Variants in ASIC2 observed in about 807,000 individuals in gnomAD.
ASIC2 encodes acid-sensing ion channel 2.
A neutral mutation model predicts 57.3 loss-of-function variants in ASIC2; 25 were observed. The ratio of observed to expected loss-of-function variants is 0.44; its 90% CI spans 0.32 to 0.61. ASIC2 has a LOEUF of 0.61. Among genes scored for constraint, ASIC2 ranks in the 20% least tolerant of loss-of-function variants. The pLI, the probability that ASIC2 is intolerant of heterozygous loss-of-function variation, is 0.06. For synonymous variants in ASIC2, 319 were observed against 307.5 expected, an observed-to-expected ratio of 1.04 and a Z score of -0.39; for missense variants, 641 against 738.1, an observed-to-expected ratio of 0.87 and a Z score of 1.52.
intron 1 of ASIC2, among the ~76,000 whole-genome samples, chr17:33,531,480 T>G (rs1192643481): frequency 1.3e-5 from 2 of 152,210 alleles, no homozygotes; most frequent in Non-Finnish European, 2.9e-5. Context: ...CCCTTGCTCT[T>G]GCCATCTGGG....
At chr17:33,751,605 C>T (rs376992981) in intron 1 of ASIC2, among the ~76,000 whole-genome samples, 4 of 152,170 alleles carry the variant, frequency 2.6e-5, no homozygotes, top group East Asian at 1.9e-4. Context: ...TATATAAACA[C>T]GGATACGTCT....
intron 1 of ASIC2, among the ~76,000 whole-genome samples, chr17:33,851,085 A>C (rs933915396): frequency 2.0e-5 from 3 of 152,152 alleles, no homozygotes; most frequent in Non-Finnish European, 2.9e-5. Context: ...AAAGGCAGAG[A>C]TCCCCAAAGG....
intron 1 of ASIC2, among the ~76,000 whole-genome samples, chr17:33,551,473 T>G (rs1915751063): frequency 6.6e-6 from 1 of 152,298 alleles, no homozygotes; most frequent in South Asian, 2.1e-4. Flanking sequence ...AACTGCTACC[T>G]TCGTCAAGTC....
At chr17:33,101,323 G>A (rs2092211324) in intron 2 of ASIC2, among the ~76,000 whole-genome samples, 3 of 152,114 alleles carry the variant, frequency 2.0e-5, no homozygotes, top group African/African-American at 4.8e-5. Flanking sequence ...AATTTATGAT[G>A]ATTTTAAATT....
At chr17:33,775,283 G>T (rs956147105) in intron 1 of ASIC2, among the ~76,000 whole-genome samples, 1 of 152,148 alleles carries the variant, frequency 6.6e-6, no homozygotes, top group Admixed American at 6.5e-5. Flanking sequence ...AAGTTGCATG[G>T]CAAGTTCACT....
intron 1 of ASIC2, among the ~76,000 whole-genome samples, chr17:33,761,941 A>G (rs908098439): frequency 2.0e-4 from 31 of 151,502 alleles, no homozygotes; most frequent in African/African-American, 6.5e-4. Context: ...GTCAGGGGGT[A>G]GGGATGGAAC....
chr17:33,387,186 T>G (rs1206668089), intron 1 of ASIC2, among the ~76,000 whole-genome samples: 9 of 152,140 alleles, frequency 5.9e-5, no homozygotes, highest in Non-Finnish European at 1.5e-5. Flanking sequence ...CTGCACCTGG[T>G]CATTTACATG....
At chr17:33,169,848 C>G (rs2142047517) in intron 1 of ASIC2, among the ~76,000 whole-genome samples, 1 of 152,342 alleles carries the variant, frequency 6.6e-6, no homozygotes, top group South Asian at 2.1e-4. Flanking sequence ...ACGGCTACCT[C>G]TGGTAGCTCC....
intron 1 of ASIC2, chr17:34,003,159 G>A (rs1330081758): frequency 2.6e-5 from 4 of 152,146 alleles, no homozygotes; most frequent in Middle Eastern, 3.2e-3. Flanking sequence ...AGTAGTTCAC[G>A]AGAAGTCGAG....
At position 33,625,066 on chromosome 17, in the gene ASIC2, A is replaced by C. The variant is rs538317891; in HGVS notation, c.556-512999T>G. 2.6e-5 allele frequency among the ~76,000 whole-genome samples: 4 copies of C among 152,340 alleles called. No individual in the cohort carries two copies. In the East Asian group the frequency reaches 5.8e-4, roughly 22 times the overall value. The stretch of plus-strand genomic sequence containing the variant: ...AGGATCAGTCTTGTTGATCAATAGA[A>C]TACAACAGAAAAGGTGGTATGCCAT... On this transcript the variant is annotated intron_variant, in intron 1 of 9. Transcript: ENST00000359872.
chr17:33,817,660 T>A (rs1912626266), intron 1 of ASIC2, among the ~76,000 whole-genome samples: 1 of 152,226 alleles, frequency 6.6e-6, no homozygotes, highest in Non-Finnish European at 1.5e-5. Flanking sequence ...TGTTTATTAC[T>A]GTACAATAAA....
intron 7 of ASIC2, among the ~76,000 whole-genome samples, chr17:33,020,404 CA>C (rs1029575456): frequency 6.6e-6 from 1 of 152,172 alleles, no homozygotes; most frequent in African/African-American, 2.4e-5. Context: ...CTGCCCCTTC[CA>C]AAATGCTAAC....
At chr17:33,597,944 A>G (rs1452815226) in intron 1 of ASIC2, among the ~76,000 whole-genome samples, 1 of 152,172 alleles carries the variant, frequency 6.6e-6, no homozygotes, top group East Asian at 1.9e-4. Context: ...TGTCTTCCAA[A>G]TACTCCTTAT....
chr17:33,904,107 G>A (rs1375993640), intron 1 of ASIC2, among the ~76,000 whole-genome samples: 1 of 122,620 alleles, frequency 8.2e-6, no homozygotes, highest in African/African-American at 3.2e-5. Context: ...AGGTTGCAGT[G>A]AACCGAGATC....
intron 1 of ASIC2, among the ~76,000 whole-genome samples, chr17:33,260,978 A>G (rs1331506215): frequency 1.3e-5 from 2 of 152,266 alleles, no homozygotes; most frequent in South Asian, 4.2e-4. Context: ...TCCAACAAAC[A>G]TTCTGATTTC....
intron 1 of ASIC2, among the ~76,000 whole-genome samples, chr17:33,753,760 A>G (rs1282664546): frequency 6.6e-6 from 1 of 152,202 alleles, no homozygotes; most frequent in African/African-American, 2.4e-5. Flanking sequence ...GGCTACTGGG[A>G]TTGGCCAAGA....
intron 1 of ASIC2, among the ~76,000 whole-genome samples, chr17:33,753,710 C>T (rs145119856): frequency 3.9e-5 from 6 of 152,290 alleles, no homozygotes; most frequent in East Asian, 3.9e-4. Flanking sequence ...TATTTGAACA[C>T]GGTTTGAACA....
intron 1 of ASIC2, among the ~76,000 whole-genome samples, chr17:33,660,435 T>G (rs1907221854): frequency 6.6e-6 from 1 of 152,166 alleles, no homozygotes; most frequent in South Asian, 2.1e-4. Flanking sequence ...ATATTCTTAT[T>G]CTATAAGCTT....
chr17:34,038,545 T>C (rs1028987449), intron 1 of ASIC2: 5 of 1,610,100 alleles, frequency 3.1e-6, no homozygotes, highest in Non-Finnish European at 3.4e-6. Flanking sequence ...CCAAAAGATG[T>C]AACAACAAAT....
Sources: gnomAD v4.1 joint callset for allele counts (sites outside exome capture counted in the v4.1 genomes callset) on GRCh38, gnomAD v4.1.1 for gene constraint, MANE v1.5 for transcripts, NCBI Gene and HGNC (gene_info 2026-07-23, HGNC 2026-07-21) for gene names.